TBCK: variants seen among roughly 807,000 people sequenced by gnomAD.
TBCK encodes TBC domain-containing protein kinase-like protein.
Under a neutral mutation model 113.4 loss-of-function variants are expected in TBCK, and 99 were observed. The observed-to-expected ratio is 0.87, with a 90% CI of 0.74 to 1.03. The LOEUF (loss-of-function observed/expected upper bound fraction) is 1.03, where lower values mean the gene tolerates loss of function less well. TBCK is among the 50% of genes least tolerant of loss of function. TBCK has a pLI of 0.00. For missense variants in TBCK, 1,045 were observed against 1,061.3 expected (o/e 0.98, Z 0.21); for synonymous variants, 369 against 370.8 (o/e 1.00, Z 0.05).
intron 23 of TBCK, among the ~76,000 whole-genome samples, chr4:106,169,838 T>G (rs1182318266): frequency 6.6e-6 from 1 of 152,060 alleles, no homozygotes; most frequent in African/African-American, 2.4e-5. Flanking sequence ...TAGTGACAGA[T>G]CATCAGGCAT....
chr4:106,127,283 T>C (rs1745342242), intron 23 of TBCK, among the ~76,000 whole-genome samples: 1 of 151,414 alleles, frequency 6.6e-6, no homozygotes, highest in Non-Finnish European at 1.5e-5. Context: ...CTAAACCATC[T>C]TTAGGAAAAT....
chr4:106,155,004 TTTTG>T (rs1312650303), intron 23 of TBCK, among the ~76,000 whole-genome samples: 1 of 152,116 alleles, frequency 6.6e-6, no homozygotes, highest in African/African-American at 2.4e-5. Context: ...AGTCTTTTCT[TTTTG>T]TTTGAAGTAC....
chr4:106,138,866 C>T (rs992188198), intron 23 of TBCK, among the ~76,000 whole-genome samples: 1 of 141,078 alleles, frequency 7.1e-6, no homozygotes, highest in Admixed American at 7.0e-5. Context: ...GATAGAGATG[C>T]TATTCACACA....
At chr4:106,065,032 G>A (rs1371555600) in intron 25 of TBCK, among the ~76,000 whole-genome samples, 4 of 151,850 alleles carry the variant, frequency 2.6e-5, no homozygotes, top group Admixed American at 6.6e-5. Flanking sequence ...GGGTAATGTG[G>A]GTAATGGTTG....
chr4:106,241,914 A>G (rs1760186498), intron 12 of TBCK, among the ~76,000 whole-genome samples: 1 of 151,956 alleles, frequency 6.6e-6, no homozygotes, highest in Non-Finnish European at 1.5e-5. Flanking sequence ...TCTATTCAAT[A>G]AAAGAATCAA....
chr4:106,274,816 G>A (rs1236754423), intron 3 of TBCK, among the ~76,000 whole-genome samples: 1 of 152,106 alleles, frequency 6.6e-6, no homozygotes, highest in Admixed American at 6.6e-5. Flanking sequence ...TTTTTAACAG[G>A]TGAATTACAT....
intron 1 of TBCK, among the ~76,000 whole-genome samples, chr4:106,313,918 C>T (rs1314394306): frequency 6.6e-6 from 1 of 152,098 alleles, no homozygotes; most frequent in Non-Finnish European, 1.5e-5. Context: ...TTGCCCTTGG[C>T]AGGAAAGAAA....
At chr4:106,265,906 G>A (rs1182888278) in intron 3 of TBCK, among the ~76,000 whole-genome samples, 2 of 151,536 alleles carry the variant, frequency 1.3e-5, no homozygotes, top group Non-Finnish European at 3.0e-5. Flanking sequence ...AAGCAATGAG[G>A]GTTACTATTT....
chr4:106,146,335 T>C (rs1263415608), intron 23 of TBCK, among the ~76,000 whole-genome samples: 2 of 152,148 alleles, frequency 1.3e-5, no homozygotes, highest in Non-Finnish European at 2.9e-5. Flanking sequence ...CTCAGCAAAC[T>C]AATGCAGAAA....
chr4:106,048,592 T>G (rs1332678798), intron 25 of TBCK, among the ~76,000 whole-genome samples: 1 of 152,124 alleles, frequency 6.6e-6, no homozygotes, highest in Non-Finnish European at 1.5e-5. Flanking sequence ...TACCATATGA[T>G]TATTGAAACA....
rs995960223 is a variant in TBCK, at chr4:106,171,829, AT to A, written c.2060-560del. ...CAGAATCTCAATTCAGCATTTCTCA[AT>A]TTTTTTTTTCCTGTTTTTGAGATAG... is the stretch of plus-strand genomic sequence containing the variant. On this transcript the variant is annotated intron_variant, in intron 22 of 25. Coordinates refer to ENST00000394708, the MANE Select transcript of TBCK (RefSeq NM_001163435.3). Among the ~76,000 whole-genome samples the A allele has an allele frequency of 6.4e-4, 96 of 150,510 alleles. 3 individuals are homozygous for A. Among genetic ancestry groups the A allele is most frequent in the Admixed American group, 1.7e-3 (26 of 15,072 alleles).
chr4:106,092,377 C>T (rs1285508768), intron 25 of TBCK, among the ~76,000 whole-genome samples: 2 of 152,378 alleles, frequency 1.3e-5, no homozygotes, highest in Admixed American at 6.5e-5. Context: ...GAGCTGCCTG[C>T]CAGTCCCACA....
chr4:106,265,753 C>T (rs1019838276), intron 3 of TBCK, among the ~76,000 whole-genome samples: 1 of 151,766 alleles, frequency 6.6e-6, no homozygotes, highest in Non-Finnish European at 1.5e-5. Flanking sequence ...ATGGTGAGTA[C>T]TCCCTCTCCA....
Position 106,217,989 on chromosome 4 carries a change from C to T in TBCK, c.1775-5154G>A, listed in dbSNP as rs1374919518. Among the ~76,000 whole-genome samples, 8 of 144,312 alleles carry T rather than the reference C, an allele frequency of 5.5e-5. No individual in the cohort carries two copies. In the South Asian group the frequency reaches 1.2e-3, roughly 21 times the overall value. 94.7% of individuals were successfully genotyped at this position (144,312 alleles called of 152,430 possible). A position where few individuals can be genotyped will look rare whatever the true frequency, so the allele number is the denominator to read the frequency against. Reference sequence around the variant, plus strand: ...AACTATACTACAAGGCTACAGTAACCAAAACAGCATGGTACTGGTACCAAA... The same window carrying T: ...AACTATACTACAAGGCTACAGTAACTAAAACAGCATGGTACTGGTACCAAA... On this transcript the variant is annotated intron_variant, in intron 19 of 25. Transcript: ENST00000394708.
At chr4:106,197,341 A>AGTGTGTGT (rs34095868) in intron 20 of TBCK, among the ~76,000 whole-genome samples, 3,549 of 142,280 alleles carry the variant, frequency 0.025, 144 homozygotes, top group African/African-American at 0.088. Flanking sequence ...ATTACTGAAG[A>AGTGTGTGT]GTGTGTGTGT....
At chr4:106,231,642 T>TAAAACA in intron 18 of TBCK, 87 bp downstream of exon 18, 2 of 1,292,124 alleles carry the variant, frequency 1.5e-6, no homozygotes, top group Non-Finnish European at 2.2e-6. Flanking sequence ...ATAAGAGCCT[T>TAAAACA]AAAACAAAAA....
At chr4:106,127,338 C>A (rs1459077950) in intron 23 of TBCK, among the ~76,000 whole-genome samples, 2 of 150,148 alleles carry the variant, frequency 1.3e-5, no homozygotes, top group Non-Finnish European at 3.0e-5. Flanking sequence ...GAAAAACAGA[C>A]AAATATTAGT....
intron 23 of TBCK, among the ~76,000 whole-genome samples, chr4:106,142,163 G>A (rs1021680006): frequency 2.1e-5 from 2 of 96,748 alleles, no homozygotes. Flanking sequence ...ATTTAGCTTC[G>A]CTTTGCTAAG....
At chr4:106,187,420 CTTTT>C (rs1753151715) in intron 22 of TBCK, among the ~76,000 whole-genome samples, 1 of 149,856 alleles carries the variant, frequency 6.7e-6, no homozygotes, top group East Asian at 2.0e-4. Flanking sequence ...TTTTTTTTTC[CTTTT>C]TTTCTTTTTT....
Sources: gnomAD v4.1 joint callset for allele counts (sites outside exome capture counted in the v4.1 genomes callset) on GRCh38, gnomAD v4.1.1 for gene constraint, MANE v1.5 for transcripts, NCBI Gene and HGNC (gene_info 2026-07-23, HGNC 2026-07-21) for gene names.